The following FER1L6 variants were observed in gnomAD, a reference collection of about 807,000 sequenced individuals.
FER1L6 encodes fer-1-like protein 6.
FER1L6 carries 177 observed loss-of-function variants against 219.2 expected under a neutral mutation model. The observed-to-expected ratio is 0.81, with a 90% confidence interval of 0.71 to 0.91. FER1L6 has a LOEUF of 0.91. Among genes scored for constraint, FER1L6 ranks in the 40% least tolerant of loss-of-function variants. FER1L6 has a pLI of 0.00. For synonymous variants in FER1L6, 768 were observed against 824.3 expected, an observed-to-expected ratio of 0.93 and a Z score of 1.17; for missense variants, 2,153 against 2,259.9, an observed-to-expected ratio of 0.95 and a Z score of 0.96.
At chr8:123,992,740 G>A (rs1467597232) in intron 12 of FER1L6, among the ~76,000 whole-genome samples, 1 of 151,924 alleles carries the variant, frequency 6.6e-6, no homozygotes, top group East Asian at 1.9e-4. Context: ...CTTTTCTTCT[G>A]CTAACTCTTT....
intron 34 of FER1L6, among the ~76,000 whole-genome samples, chr8:124,093,924 C>A (rs1040317294): frequency 1.2e-4 from 16 of 128,584 alleles, no homozygotes; most frequent in Non-Finnish European, 1.7e-4. Flanking sequence ...CACTGTGGCC[C>A]CTTTTTTTTA....
chr8:123,976,225 G>T, intron 9 of FER1L6, 141 bp downstream of exon 9: 1 of 671,394 alleles, frequency 1.5e-6, no homozygotes. Context: ...AATGGGGCCA[G>T]GCGAGGTGGC....
intron 18 of FER1L6, among the ~76,000 whole-genome samples, chr8:124,026,245 C>T (rs1193786649): frequency 6.6e-6 from 1 of 152,134 alleles, no homozygotes; most frequent in Non-Finnish European, 1.5e-5. Flanking sequence ...AAAGCCTTTA[C>T]CCCCACCAGC....
intron 1 of FER1L6, among the ~76,000 whole-genome samples, chr8:123,864,934 CT>C (rs1171753751): frequency 1.3e-5 from 2 of 151,058 alleles, no homozygotes; most frequent in African/African-American, 5.0e-5. Flanking sequence ...GAATGTCCTC[CT>C]GTAGCTCAGA....
chr8:124,018,602 A>G (rs1818308461), intron 16 of FER1L6, among the ~76,000 whole-genome samples: 1 of 151,932 alleles, frequency 6.6e-6, no homozygotes, highest in African/African-American at 2.4e-5. Context: ...CCTCTACTCC[A>G]TGTTTTCTGC....
At chr8:124,089,536 C>T (rs1821933863) in intron 33 of FER1L6, among the ~76,000 whole-genome samples, 1 of 152,212 alleles carries the variant, frequency 6.6e-6, no homozygotes, top group Admixed American at 6.5e-5. Context: ...CTCCCTCCCC[C>T]AAACTCCCAC....
At position 124,103,292 on chromosome 8, in the gene FER1L6, A is replaced by G; in HGVS notation, c.5272A>G (p.Lys1758Glu). 1.2e-6 allele frequency: 2 copies of G among 1,613,996 alleles called. No individual in the cohort carries two copies. The highest frequency in any genetic ancestry group is 2.2e-5 in the East Asian group (1 of 44,884). ...TGTGCGTGGCTGGTGGCCTTTTTCT[A>G]AAAGCAAAGAACTCACAGTAAGTGA... ...KRVRGWWPFSKSKELTGKVEA... is the reference protein window; with the variant it reads ...KRVRGWWPFSESKELTGKVEA... Residue 1758 changes from lysine (K) to glutamate (E), a missense_variant, in exon 39 of 41, where the codon AAA (lysine) becomes GAA (glutamate). Physicochemically the swap from Lys to Glu is moderately conservative, Grantham distance 56 (BLOSUM62 1). Transcript: ENST00000522917.
At chr8:123,998,388 C>G (rs1817243311) in intron 12 of FER1L6, among the ~76,000 whole-genome samples, 2 of 138,160 alleles carry the variant, frequency 1.4e-5, no homozygotes, top group South Asian at 5.1e-4. Context: ...CTCTCTCTCT[C>G]TCTCTCTCTC....
chr8:123,924,233 CAAAA>C (rs71289625), intron 1 of FER1L6, among the ~76,000 whole-genome samples: 4,198 of 66,912 alleles, frequency 0.063, 200 homozygotes, highest in African/African-American at 0.19. Flanking sequence ...GACTCAGTAT[CAAAA>C]AAAAAAAAAA....
At chr8:124,041,583 C>G (rs911234109) in intron 20 of FER1L6, among the ~76,000 whole-genome samples, 12 of 152,160 alleles carry the variant, frequency 7.9e-5, no homozygotes, top group African/African-American at 2.9e-4. Flanking sequence ...ATGCAGGCCT[C>G]ATGACACACG....
intron 1 of FER1L6, among the ~76,000 whole-genome samples, chr8:123,954,512 A>G (rs994121184): frequency 1.3e-5 from 2 of 152,214 alleles, no homozygotes; most frequent in Admixed American, 6.5e-5. Flanking sequence ...GTGAACATCT[A>G]TCTCCTAGAG....
chr8:124,100,979 A>G, intron 37 of FER1L6, 118 bp from the exon 38 acceptor site: 1 of 954,696 alleles, frequency 1.0e-6, no homozygotes, highest in Non-Finnish European at 1.6e-6. Context: ...GAATCTAATT[A>G]TAATGATTTT....
intron 1 of FER1L6, among the ~76,000 whole-genome samples, chr8:123,933,879 CAAGA>C (rs537086945): frequency 1.0e-3 from 152 of 152,280 alleles, no homozygotes; most frequent in African/African-American, 3.6e-3. Context: ...AGAAGCATTT[CAAGA>C]TAGAGTAATA....
chr8:124,082,561 C>A, intron 33 of FER1L6, 103 bp downstream of exon 33: 3 of 1,069,810 alleles, frequency 2.8e-6, no homozygotes, highest in Non-Finnish European at 2.7e-6. Context: ...GAAGGCCAGA[C>A]CAGGCTCAGC....
chr8:123,966,296 T>G lies in FER1L6; in HGVS notation c.384+6T>G. 6.2e-7 allele frequency: 1 copy of G among 1,613,994 alleles called. No homozygotes were observed. The highest frequency in any genetic ancestry group is 1.3e-5 in the African/African-American group (1 of 75,028). On this transcript the variant is annotated splice_donor_region_variant and intron_variant, in intron 5 of 40. Transcript: ENST00000522917. Reference sequence around the variant, plus strand: ...ACAGCCCATTTTATAATGAAGTAAGTCATGGAGGTCACCCACAGCTTTTGC... The same window carrying G: ...ACAGCCCATTTTATAATGAAGTAAGGCATGGAGGTCACCCACAGCTTTTGC...
intron 3 of FER1L6, among the ~76,000 whole-genome samples, chr8:123,964,893 C>T (rs1322713125): frequency 6.6e-6 from 1 of 152,090 alleles, no homozygotes; most frequent in Non-Finnish European, 1.5e-5. Context: ...CCTACTAGTT[C>T]TTTTTAAATA....
intron 1 of FER1L6, among the ~76,000 whole-genome samples, chr8:123,943,211 G>T (rs1271345780): frequency 6.6e-6 from 1 of 152,192 alleles, no homozygotes; most frequent in Non-Finnish European, 1.5e-5. Flanking sequence ...GAAATAAACA[G>T]TAAAAACATG....
intron 1 of FER1L6, among the ~76,000 whole-genome samples, chr8:123,918,265 T>C (rs890060416): frequency 1.3e-5 from 2 of 150,366 alleles, no homozygotes; most frequent in African/African-American, 2.5e-5. Flanking sequence ...ACTGAGATTG[T>C]GCCACTGCAC....
chr8:123,913,332 T>TCA (rs149108573), intron 1 of FER1L6, among the ~76,000 whole-genome samples: 6 of 152,074 alleles, frequency 3.9e-5, no homozygotes, highest in East Asian at 1.9e-4. Flanking sequence ...AATAATTTAT[T>TCA]CACACACACA....
Sources: gnomAD v4.1 joint callset for allele counts (sites outside exome capture counted in the v4.1 genomes callset) on GRCh38, gnomAD v4.1.1 for gene constraint, MANE v1.5 for transcripts, NCBI Gene and HGNC (gene_info 2026-07-23, HGNC 2026-07-21) for gene names.